Variants in COLQ observed in about 807,000 individuals in gnomAD.
The protein encoded by COLQ is collagen like tail subunit of asymmetric acetylcholinesterase, also known as acetylcholinesterase collagenic tail peptide.
Under a neutral mutation model 69.0 loss-of-function variants are expected in COLQ, and 48 were observed. The ratio of observed to expected loss-of-function variants is 0.70; its 90% CI spans 0.55 to 0.88. The LOEUF is 0.88. Among genes scored for constraint, COLQ ranks in the 40% least tolerant of loss-of-function variants. The pLI, the probability that COLQ is intolerant of heterozygous loss-of-function variation, is 0.00. For missense variants in COLQ, 618 were observed against 594.6 expected (o/e 1.04, Z -0.41); for synonymous variants, 217 against 211.2 (o/e 1.03, Z -0.24).
At chr3:15,456,078 A>C (rs1392539484) in intron 14 of COLQ, 59 bp from the exon 15 acceptor site, 1 of 1,605,690 alleles carries the variant, frequency 6.2e-7, no homozygotes, top group African/African-American at 1.3e-5. Context: ...AGCCGCAGGC[A>C]GGGAGGTCAT....
chr3:15,454,364 T>G (rs976976436), intron 15 of COLQ, among the ~76,000 whole-genome samples: 1 of 152,196 alleles, frequency 6.6e-6, no homozygotes, highest in East Asian at 1.9e-4. Flanking sequence ...CTTGTGTCCC[T>G]GGGGAGCCAC....
At chr3:15,492,497 T>A (rs1039356678) in intron 1 of COLQ, among the ~76,000 whole-genome samples, 1 of 152,136 alleles carries the variant, frequency 6.6e-6, no homozygotes, top group Non-Finnish European at 1.5e-5. Flanking sequence ...AAACCCCGTC[T>A]CTACTAAAAA....
intron 3 of COLQ, among the ~76,000 whole-genome samples, chr3:15,485,450 C>T (rs774819521): frequency 9.9e-5 from 15 of 152,198 alleles, no homozygotes; most frequent in Non-Finnish European, 1.3e-4. Context: ...AGAAATCAAC[C>T]GTCTTCTGCA....
chr3:15,515,636 C>T (rs57740166), intron 1 of COLQ, among the ~76,000 whole-genome samples: 14,018 of 152,012 alleles, frequency 0.092, 859 homozygotes, highest in East Asian at 0.33. Context: ...GGTGAAACCC[C>T]GTCTCTACTA....
At chr3:15,454,683 T>G (rs1575460917) in intron 15 of COLQ, among the ~76,000 whole-genome samples, 1 of 136,572 alleles carries the variant, frequency 7.3e-6, no homozygotes, top group African/African-American at 2.9e-5. Context: ...TGAGACAGGG[T>G]CTCGCTCTGT....
intron 1 of COLQ, among the ~76,000 whole-genome samples, chr3:15,492,724 T>C (rs912412838): frequency 6.6e-6 from 1 of 152,032 alleles, no homozygotes; most frequent in African/African-American, 2.4e-5. Flanking sequence ...GATAATTATA[T>C]ATAAGTACGA....
intron 16 of COLQ, among the ~76,000 whole-genome samples, chr3:15,452,230 C>T: frequency 6.6e-6 from 1 of 151,996 alleles, no homozygotes; most frequent in African/African-American, 2.4e-5. Flanking sequence ...CCAAGCTCAG[C>T]TAATTTTTGT....
At chr3:15,520,882 C>T (rs2063127040) in intron 1 of COLQ, among the ~76,000 whole-genome samples, 1 of 152,194 alleles carries the variant, frequency 6.6e-6, no homozygotes, top group Non-Finnish European at 1.5e-5. Flanking sequence ...CCACTTCTCC[C>T]TGGAAAGCTC....
intron 12 of COLQ, among the ~76,000 whole-genome samples, chr3:15,458,797 CTG>C (rs1370829359): frequency 6.6e-6 from 1 of 152,006 alleles, no homozygotes; most frequent in Non-Finnish European, 1.5e-5. Flanking sequence ...ACATTATTGA[CTG>C]TTAACTTTTA....
At position 15,521,671 on chromosome 3, in the gene COLQ, C is replaced by A. The variant is rs73033051; in HGVS notation, c.-46G>T. Reference sequence around the variant, plus strand: ...GGTCAAGTTAGAAAGGAGGCTGCTGCGGAGCCTTGCTTATCTCTGCTTTTC... The same window carrying A: ...GGTCAAGTTAGAAAGGAGGCTGCTGAGGAGCCTTGCTTATCTCTGCTTTTC... On this transcript the variant is annotated 5_prime_UTR_variant, in exon 1 of 17. Coordinates refer to ENST00000383788, the MANE Select transcript of COLQ (RefSeq NM_005677.4). The A allele has an allele frequency of 2.5e-6, 4 of 1,611,552 alleles. No individual in the cohort carries two copies. The highest frequency in any genetic ancestry group is 1.6e-4 in the Middle Eastern group (1 of 6,076).
chr3:15,481,937 G>A (rs1264271668), intron 3 of COLQ, among the ~76,000 whole-genome samples: 2 of 152,174 alleles, frequency 1.3e-5, no homozygotes, highest in African/African-American at 4.8e-5. Flanking sequence ...CACATCCCTT[G>A]TAAGTTTGAT....
intron 4 of COLQ, 34 bp downstream of exon 4, chr3:15,479,304 G>GGAAA: frequency 6.2e-7 from 1 of 1,610,610 alleles, no homozygotes; most frequent in Non-Finnish European, 8.5e-7. Flanking sequence ...GAATTGCCAA[G>GGAAA]GAAAGAAGGG....
chr3:15,521,017 C>T (rs547971590), intron 1 of COLQ, among the ~76,000 whole-genome samples: 2 of 152,350 alleles, frequency 1.3e-5, no homozygotes, highest in Admixed American at 6.5e-5. Context: ...GTTCACCCCC[C>T]ACCCCACCGG....
At chr3:15,509,926 A>G (rs1232954130) in intron 1 of COLQ, among the ~76,000 whole-genome samples, 2 of 152,116 alleles carry the variant, frequency 1.3e-5, no homozygotes, top group South Asian at 2.1e-4. Flanking sequence ...TAATCCCAGC[A>G]CTTTGGGAGG....
chr3:15,451,763 G>C (rs2061946405), intron 16 of COLQ, 50 bp from the exon 17 acceptor site: 2 of 1,515,144 alleles, frequency 1.3e-6, no homozygotes, highest in African/African-American at 2.7e-5. Context: ...ATATGCTGGT[G>C]ACTTCCGGTC....
chr3:15,478,705 G>A (rs2062423072), intron 5 of COLQ: 1 of 576,248 alleles, frequency 1.7e-6, no homozygotes, highest in Non-Finnish European at 3.1e-6. Flanking sequence ...TGGGGTTGGG[G>A]CGGGAAGTGA....
Position 15,450,684 on chromosome 3 carries a change from A to T in COLQ, c.*960T>A, listed in dbSNP as rs1370057151. 1.3e-5 allele frequency: 2 copies of T among 152,526 alleles called. No individual in the cohort carries two copies. The highest frequency in any genetic ancestry group is 4.8e-5 in the African/African-American group (2 of 41,436). 9.4% of individuals were successfully genotyped at this position (152,526 alleles called of 1,614,324 possible). ...GGGTCAGCAGGAGGCAAAGAGGTAG[A>T]GCTCTGGCCAGGAACGCTCTGCCTA... On this transcript the variant is annotated 3_prime_UTR_variant, in exon 17 of 17. Transcript: ENST00000383788.
intron 3 of COLQ, among the ~76,000 whole-genome samples, chr3:15,480,545 T>C (rs1575478110): frequency 6.6e-6 from 1 of 152,218 alleles, no homozygotes; most frequent in South Asian, 2.1e-4. Flanking sequence ...TATTCCATGG[T>C]GTATATGTGC....
Position 15,475,162 on chromosome 3 carries a change from A to G in COLQ, c.529-211T>C, listed in dbSNP as rs143887629. The G allele has an allele frequency of 4.2e-4, 282 of 670,368 alleles. 1 individual carries two copies. The highest frequency in any genetic ancestry group is 1.6e-3 in the African/African-American group (87 of 55,810). The allele number at this position is 670,368 out of a possible 1,614,324, so 41.5% of individuals were successfully genotyped here. On this transcript the variant is annotated intron_variant, in intron 7 of 16. Transcript: ENST00000383788. ...GGAACATTGCTTTTATCACTCTGCAAAGTCCTGATCAAAGGTTTCCATCTG... is the reference window on the plus strand; with the variant it reads ...GGAACATTGCTTTTATCACTCTGCAGAGTCCTGATCAAAGGTTTCCATCTG...
Sources: gnomAD v4.1 joint callset for allele counts (sites outside exome capture counted in the v4.1 genomes callset) on GRCh38, gnomAD v4.1.1 for gene constraint, MANE v1.5 for transcripts, NCBI Gene and HGNC (gene_info 2026-07-23, HGNC 2026-07-21) for gene names.